The following GCSAML variants were observed in gnomAD, a reference collection of about 807,000 sequenced individuals.
The protein encoded by GCSAML is germinal center associated signaling and motility like, also known as germinal center-associated signaling and motility-like protein.
Under a neutral mutation model 13.0 loss-of-function variants are expected in GCSAML, and 9 were observed. The observed-to-expected ratio is 0.69, with a 90% CI of 0.42 to 1.21. The LOEUF is 1.21. Ranked by LOEUF, GCSAML falls within the 50% of genes most tolerant of loss-of-function variation. The probability of loss-of-function intolerance (pLI) is 0.00; values close to 1 mark genes in which losing one functional copy is unlikely to be tolerated. For missense variants in GCSAML, 143 were observed against 153.4 expected, an observed-to-expected ratio of 0.93 and a Z score of 0.36; for synonymous variants, 37 against 52.9, an observed-to-expected ratio of 0.70 and a Z score of 1.31.
At chr1:247,540,615 G>A (rs1339193399) in intron 2 of GCSAML, among the ~76,000 whole-genome samples, 4 of 152,204 alleles carry the variant, frequency 2.6e-5, no homozygotes, top group South Asian at 4.1e-4. Context: ...CGAAGATGCA[G>A]CTTAATAAAG....
intron 1 of GCSAML, among the ~76,000 whole-genome samples, chr1:247,517,947 G>A (rs914639630): frequency 6.6e-5 from 10 of 152,170 alleles, no homozygotes; most frequent in African/African-American, 9.6e-5. Context: ...TCCCGTTTGT[G>A]GTCAGCACGG....
At chr1:247,515,160 T>A (rs1358227518) in intron 1 of GCSAML, among the ~76,000 whole-genome samples, 1 of 152,196 alleles carries the variant, frequency 6.6e-6, no homozygotes, top group Non-Finnish European at 1.5e-5. Flanking sequence ...TTGACCATCA[T>A]AGAACTAGAA....
At chr1:247,507,159 T>C (rs1234010401) in exon 1 of GCSAML, 3 of 152,222 alleles carry the variant, frequency 2.0e-5, no homozygotes, top group Admixed American at 6.5e-5. Flanking sequence ...GATGAGCTGA[T>C]GGCATTCCCA....
intron 3 of GCSAML, among the ~76,000 whole-genome samples, chr1:247,564,220 C>A (rs1668251443): frequency 6.6e-6 from 1 of 152,110 alleles, no homozygotes; most frequent in Non-Finnish European, 1.5e-5. Context: ...GCGTGAGCCA[C>A]CATGCCCGGC....
intron 1 of GCSAML, among the ~76,000 whole-genome samples, chr1:247,509,392 AAG>A (rs1665937198): frequency 6.6e-6 from 1 of 152,220 alleles, no homozygotes; most frequent in African/African-American, 2.4e-5. Context: ...TTATCAGCTT[AAG>A]GAGATTTTGG....
intron 3 of GCSAML, among the ~76,000 whole-genome samples, chr1:247,565,036 G>A (rs1308425163): frequency 6.6e-6 from 1 of 152,172 alleles, no homozygotes; most frequent in African/African-American, 2.4e-5. Flanking sequence ...TTAAACTAAA[G>A]TATTTCTGCA....
rs779342066 is a variant in GCSAML, at chr1:247,526,666, C to T, written c.-262-274C>T. 6.1e-6 allele frequency: 2 copies of T among 327,162 alleles called. No individual in the cohort carries two copies. Among genetic ancestry groups the T allele is most frequent in the African/African-American group, 2.2e-5 (1 of 46,026 alleles). 20.3% of individuals were successfully genotyped at this position (327,162 alleles called of 1,614,324 possible). ...TGTGCAGCATGGGAGGAAACCCATA[C>T]ATGAAGTAGAGGGTTCACAGAGCAG... On this transcript the variant is annotated intron_variant, in intron 1 of 5. Transcript: ENST00000366489. This position sits in a 1 kb window ranked among gnomAD's most constrained non-coding sequence, Gnocchi z 4.8.
chr1:247,569,464 C>G (rs1372057113), intron 4 of GCSAML, among the ~76,000 whole-genome samples: 1 of 152,110 alleles, frequency 6.6e-6, no homozygotes, highest in East Asian at 1.9e-4. Flanking sequence ...TTGAGATATT[C>G]ATGTGGTTTT....
intron 2 of GCSAML, among the ~76,000 whole-genome samples, chr1:247,562,776 G>A (rs1668178930): frequency 6.6e-6 from 1 of 151,900 alleles, no homozygotes; most frequent in African/African-American, 2.4e-5. Flanking sequence ...TGTGTAAATT[G>A]TGTCCCTTTA....
At chr1:247,556,973 A>G (rs1213568062) in intron 2 of GCSAML, among the ~76,000 whole-genome samples, 5 of 152,058 alleles carry the variant, frequency 3.3e-5, no homozygotes, top group Admixed American at 6.6e-5. Context: ...TCTTACATGC[A>G]TTCTCCTTTT....
upstream of GCSAML, among the ~76,000 whole-genome samples, chr1:247,546,933 T>TAA (rs767482285): frequency 3.9e-5 from 4 of 102,206 alleles, no homozygotes; most frequent in African/African-American, 1.5e-4. Context: ...CTACTAAAAT[T>TAA]AAAAAAAAAA....
chr1:247,563,216 T>C (rs927664393), intron 2 of GCSAML, among the ~76,000 whole-genome samples: 1 of 152,172 alleles, frequency 6.6e-6, no homozygotes, highest in Non-Finnish European at 1.5e-5. Context: ...CATTTGTCTT[T>C]AAGGATTTAT....
At chr1:247,557,694 C>T (rs2103047553) in intron 2 of GCSAML, among the ~76,000 whole-genome samples, 1 of 152,292 alleles carries the variant, frequency 6.6e-6, no homozygotes, top group African/African-American at 2.4e-5. Context: ...AGTCAGCCCT[C>T]AGGGACAGTG....
At chr1:247,546,680 G>A (rs934905121), upstream of GCSAML, among the ~76,000 whole-genome samples, 2 of 151,966 alleles carry the variant, frequency 1.3e-5, no homozygotes, top group African/African-American at 4.8e-5. Flanking sequence ...CTTTAAAACT[G>A]TATTTTATGG....
rs2141544 is a variant in GCSAML, at chr1:247,527,498, C to T, written c.-148+444C>T. 111,416 of 152,330 alleles carry T rather than the reference C, an allele frequency of 0.73. 42,510 individuals are homozygous for T. The highest frequency in any genetic ancestry group is 0.97 in the East Asian group (5,043 of 5,186). 9.4% of individuals were successfully genotyped at this position (152,330 alleles called of 1,614,324 possible). A position where few individuals can be genotyped will look rare whatever the true frequency, so the allele number is the denominator to read the frequency against. ...CTGGCAGATGAAAATTACAGTGCAT[C>T]CAAACTCCAGAGATTTTTAATTAGT... is the stretch of plus-strand genomic sequence containing the variant. On this transcript the variant is annotated intron_variant, in intron 2 of 5. Transcript: ENST00000366489. This position sits in a 1 kb window ranked among gnomAD's most constrained non-coding sequence, Gnocchi z 4.6.
intron 1 of GCSAML, among the ~76,000 whole-genome samples, chr1:247,510,107 A>G (rs1665977744): frequency 6.6e-6 from 1 of 152,174 alleles, no homozygotes; most frequent in Admixed American, 6.5e-5. Flanking sequence ...CTCTGGTAGA[A>G]TTCAGCTGTG....
chr1:247,535,045 C>T (rs1382188013), intron 2 of GCSAML, among the ~76,000 whole-genome samples: 1 of 152,108 alleles, frequency 6.6e-6, no homozygotes, highest in Non-Finnish European at 1.5e-5. Context: ...GGGGCGGTGG[C>T]TCATGCCTGT....
At chr1:247,556,562 C>T in intron 2 of GCSAML, 96 bp downstream of exon 2, 1 of 779,008 alleles carries the variant, frequency 1.3e-6, no homozygotes, top group Admixed American at 2.5e-5. Context: ...GAACTAACAC[C>T]CCTTAGGGCC....
chr1:247,524,318 C>A (rs1666570119), intron 1 of GCSAML, among the ~76,000 whole-genome samples: 1 of 152,150 alleles, frequency 6.6e-6, no homozygotes, highest in Admixed American at 6.5e-5. Context: ...TGTAGCCCTT[C>A]CTCTTCCAAA....
Sources: allele counts gnomAD v4.1 joint callset (sites outside exome capture counted in the v4.1 genomes callset), GRCh38; gene constraint gnomAD v4.1.1; non-coding constraint Gnocchi (gnomAD v3.1); transcripts MANE v1.5; gene names NCBI Gene and HGNC (gene_info 2026-07-23, HGNC 2026-07-21).